Variants in LPP observed in about 807,000 individuals in gnomAD.
LPP encodes the protein LIM domain containing preferred translocation partner in lipoma, also known as lipoma-preferred partner.
Under a neutral mutation model 60.4 loss-of-function variants are expected in LPP, and 38 were observed. That is an observed-to-expected ratio of 0.63 (90% CI 0.49 to 0.83). LPP has a LOEUF of 0.83. Among genes scored for constraint, LPP ranks in the 40% least tolerant of loss-of-function variants. The probability of loss-of-function intolerance (pLI) is 0.00; values close to 1 mark genes in which losing one functional copy is unlikely to be tolerated. For synonymous variants in LPP, 328 were observed against 290.8 expected (o/e 1.13, Z -1.30); for missense variants, 902 against 783.6 (o/e 1.15, Z -1.80).
chr3:188,241,587 A>G (rs1724862216), intron 2 of LPP, among the ~76,000 whole-genome samples: 1 of 152,154 alleles, frequency 6.6e-6, no homozygotes, highest in Admixed American at 6.6e-5. Flanking sequence ...ACCGTGTTAT[A>G]ATATACTTGA....
chr3:188,393,870 A>G (rs933684558), intron 3 of LPP, among the ~76,000 whole-genome samples: 4 of 152,170 alleles, frequency 2.6e-5, no homozygotes, highest in African/African-American at 9.7e-5. Flanking sequence ...ATTTTAGACC[A>G]GTGGGTTTCC....
At chr3:188,254,691 C>G (rs1312187425) in intron 2 of LPP, among the ~76,000 whole-genome samples, 1 of 152,040 alleles carries the variant, frequency 6.6e-6, no homozygotes, top group Non-Finnish European at 1.5e-5. Flanking sequence ...GGGACACAAA[C>G]AGCTCCCTGC....
chr3:188,772,338 C>T (rs566328221), intron 9 of LPP, among the ~76,000 whole-genome samples: 1 of 152,164 alleles, frequency 6.6e-6, no homozygotes, highest in Non-Finnish European at 1.5e-5. Context: ...GTAACCATTT[C>T]TGAACATGCA....
intron 5 of LPP, among the ~76,000 whole-genome samples, chr3:188,501,738 CA>C (rs1162399889): frequency 7.5e-6 from 1 of 133,844 alleles, no homozygotes; most frequent in Non-Finnish European, 1.6e-5. Context: ...GACTCCATCT[CA>C]AAAAAAACAA....
chr3:188,357,835 T>C (rs932449617), intron 3 of LPP, among the ~76,000 whole-genome samples: 9 of 152,240 alleles, frequency 5.9e-5, no homozygotes, highest in African/African-American at 2.2e-4. Flanking sequence ...CTGTTTATTT[T>C]ACTTATGCAT....
chr3:188,542,638 A>G (rs1422506727), intron 6 of LPP, among the ~76,000 whole-genome samples: 1 of 152,246 alleles, frequency 6.6e-6, no homozygotes, highest in East Asian at 1.9e-4. Context: ...TTCTCATAAC[A>G]TCCTTTTATG....
At chr3:188,493,439 G>T (rs1033126463) in intron 5 of LPP, among the ~76,000 whole-genome samples, 3 of 151,698 alleles carry the variant, frequency 2.0e-5, no homozygotes, top group African/African-American at 7.3e-5. Flanking sequence ...TCAAGTCAAG[G>T]TTTTCTTTAT....
chr3:188,369,513 G>T (rs532631254), intron 3 of LPP, among the ~76,000 whole-genome samples: 3 of 152,098 alleles, frequency 2.0e-5, no homozygotes, highest in Admixed American at 6.5e-5. Context: ...ACCTCCTGGG[G>T]TTGTTGTGAG....
At chr3:188,279,520 C>T (rs1449371607) in intron 2 of LPP, among the ~76,000 whole-genome samples, 1 of 152,220 alleles carries the variant, frequency 6.6e-6, no homozygotes, top group African/African-American at 2.4e-5. Flanking sequence ...CAAGGACCAA[C>T]TGACAATGAT....
chr3:188,715,926 A>G (rs1317623606), intron 8 of LPP, among the ~76,000 whole-genome samples: 1 of 152,222 alleles, frequency 6.6e-6, no homozygotes, highest in Non-Finnish European at 1.5e-5. Flanking sequence ...GACTGGAAAT[A>G]TCTGACAGTA....
At chr3:188,154,717 ACTTAAGTTCC>A (rs1715669033) in intron 1 of LPP, among the ~76,000 whole-genome samples, 1 of 152,200 alleles carries the variant, frequency 6.6e-6, no homozygotes, top group Non-Finnish European at 1.5e-5. Context: ...TTGGCTCCGG[ACTTAAGTTCC>A]CTTTCTCTAA....
chr3:188,350,450 A>G (rs1765537080), intron 3 of LPP, among the ~76,000 whole-genome samples: 2 of 152,238 alleles, frequency 1.3e-5, no homozygotes, highest in African/African-American at 4.8e-5. Flanking sequence ...ACTCGGAAGC[A>G]GGCAAATATC....
chr3:188,414,394 T>A (rs1785633032), intron 4 of LPP, among the ~76,000 whole-genome samples: 1 of 152,148 alleles, frequency 6.6e-6, no homozygotes, highest in Non-Finnish European at 1.5e-5. Flanking sequence ...AGCTGGTATG[T>A]GTAAATATTC....
intron 2 of LPP, among the ~76,000 whole-genome samples, chr3:188,302,702 AC>A (rs770762114): frequency 1.3e-5 from 2 of 152,228 alleles, no homozygotes; most frequent in Non-Finnish European, 2.9e-5. Flanking sequence ...CTCCCTTCAA[AC>A]TTTTGTAAGC....
chr3:188,424,505 G>T (rs1788759879), intron 4 of LPP, among the ~76,000 whole-genome samples: 1 of 152,130 alleles, frequency 6.6e-6, no homozygotes, highest in Non-Finnish European at 1.5e-5. Flanking sequence ...GTCAATGCTA[G>T]CTTGATGGGG....
chr3:188,372,590 C>G (rs1578408972), intron 3 of LPP, among the ~76,000 whole-genome samples: 1 of 151,796 alleles, frequency 6.6e-6, no homozygotes, highest in Non-Finnish European at 1.5e-5. Flanking sequence ...TTAGTGTTCC[C>G]CTGGGCTTTT....
At chr3:188,745,511 C>T (rs1340469638) in intron 8 of LPP, among the ~76,000 whole-genome samples, 1 of 152,164 alleles carries the variant, frequency 6.6e-6, no homozygotes, top group Non-Finnish European at 1.5e-5. Context: ...TCTTACTGCT[C>T]TGTCTGCTAT....
chr3:188,180,368 C>T (rs893316412), intron 1 of LPP: 1 of 154,704 alleles, frequency 6.5e-6, no homozygotes, highest in African/African-American at 2.4e-5. Flanking sequence ...GAGTGTGTCC[C>T]TGGTCCCACT....
At chr3:188,666,182 A>C (rs1855760655) in intron 7 of LPP, among the ~76,000 whole-genome samples, 2 of 152,242 alleles carry the variant, frequency 1.3e-5, no homozygotes, top group South Asian at 4.1e-4. Context: ...GTTATAAACT[A>C]TTTATATTTC....
Sources: allele counts gnomAD v4.1 joint callset (sites outside exome capture counted in the v4.1 genomes callset), GRCh38; gene constraint gnomAD v4.1.1; transcripts MANE v1.5; gene names NCBI Gene and HGNC (gene_info 2026-07-23, HGNC 2026-07-21).